MARS2: variants seen among roughly 807,000 people sequenced by gnomAD.
The protein encoded by MARS2 is methionyl-tRNA synthetase 2, mitochondrial, also known as methionine--tRNA ligase, mitochondrial.
MARS2 carries 33 observed loss-of-function variants against 43.8 expected under a neutral mutation model. The ratio of observed to expected loss-of-function variants is 0.75; its 90% CI spans 0.57 to 1.01. MARS2 has a LOEUF of 1.01. Ranked by LOEUF, MARS2 falls within the 50% of genes least tolerant of loss-of-function variation. The probability of loss-of-function intolerance (pLI) is 0.00; values close to 1 mark genes in which losing one functional copy is unlikely to be tolerated. For missense variants in MARS2, 720 were observed against 763.0 expected (o/e 0.94, Z 0.66); for synonymous variants, 351 against 325.5 (o/e 1.08, Z -0.84).
chr2:197,708,165 A>G lies in MARS2; in HGVS notation c.*978A>G, dbSNP rs1456305820. On this transcript the variant is annotated 3_prime_UTR_variant, in exon 1 of 1. Coordinates refer to ENST00000282276, the MANE Select transcript of MARS2 (RefSeq NM_138395.4). ...AGGTATGATTTAAAAATTTGTAAAT[A>G]GTTCAAAAGGGCAATGTTTTCTTTA... is the stretch of plus-strand genomic sequence containing the variant. 1 of 167,200 alleles carries G rather than the reference A, an allele frequency of 6.0e-6. No homozygotes were observed. The highest frequency in any genetic ancestry group is 1.5e-5 in the Non-Finnish European group (1 of 68,120). The allele number at this position is 167,200 out of a possible 1,614,324, so 10.4% of individuals were successfully genotyped here.
At position 197,705,703 on chromosome 2, in the gene MARS2, C is replaced by G; in HGVS notation, c.298C>G (p.Gln100Glu). The G allele has an allele frequency of 6.2e-7, 1 of 1,611,136 alleles. No homozygotes were observed. Among genetic ancestry groups the G allele is most frequent in the Non-Finnish European group, 8.5e-7 (1 of 1,180,026 alleles). The change falls in exon 1 of 1, where the codon CAG becomes GAG. Residue 100 changes from glutamine to glutamate, a missense_variant. Transcript: ENST00000282276. ...TACCGACGAGCACGGGCTGAAGATTCAGCAGGCAGCAGCTACCGCGGGCCT... is the reference window on the plus strand; with the variant it reads ...TACCGACGAGCACGGGCTGAAGATTGAGCAGGCAGCAGCTACCGCGGGCCT... ...TGTDEHGLKI[Q>E]QAAATAGLAP...
chr2:197,707,393 T>C lies in MARS2; in HGVS notation c.*206T>C. 1 of 570,778 alleles carries C rather than the reference T, an allele frequency of 1.8e-6. No homozygotes were observed. The highest frequency in any genetic ancestry group is 3.2e-6 in the Non-Finnish European group (1 of 314,130). The allele number at this position is 570,778 out of a possible 1,614,324, so 35.4% of individuals were successfully genotyped here. A position where few individuals can be genotyped will look rare whatever the true frequency, so the allele number is the denominator to read the frequency against. On this transcript the variant is annotated 3_prime_UTR_variant, in exon 1 of 1. Coordinates refer to ENST00000282276, the MANE Select transcript of MARS2 (RefSeq NM_138395.4). Reference sequence around the variant, plus strand: ...CCATTGATCACTGTCCTTTGTGCATTGTGTGTCTAAGATGTCTTCAGGGGA... The same window carrying C: ...CCATTGATCACTGTCCTTTGTGCATCGTGTGTCTAAGATGTCTTCAGGGGA...
Position 197,705,758 on chromosome 2 carries a change from C to T in MARS2, c.353C>T (p.Ser118Phe), listed in dbSNP as rs1051425785. 6 of 1,613,064 alleles carry T rather than the reference C, an allele frequency of 3.7e-6. No homozygotes were observed. Among genetic ancestry groups the T allele is most frequent in the Non-Finnish European group, 3.4e-6 (4 of 1,180,050 alleles). Residue 118 changes from serine (S) to phenylalanine (F), a missense_variant, in exon 1 of 1, where the codon TCT becomes TTT. Ser to Phe is a radical substitution (Grantham distance 155). Coordinates refer to ENST00000282276, the MANE Select transcript of MARS2 (RefSeq NM_138395.4). ...CCGACCGAGCTGTGCGACCGAGTCT[C>T]TGAGCAGTTCCAGCAGCTTTTCCAG... ...LAPTELCDRV[S>F]EQFQQLFQEA...
At position 197,707,021 on chromosome 2, in the gene MARS2, T is replaced by TG; in HGVS notation, c.1621dup (p.Val541GlyfsTer25). On this transcript the variant is annotated frameshift_variant, in exon 1 of 1. Coordinates refer to ENST00000282276, the MANE Select transcript of MARS2 (RefSeq NM_138395.4). LOFTEE classifies it high-confidence loss of function. ...CTAGCTGACAAGCTGCTGTCTAGGC[T>TG]GGGGGTCTCTGCCTCAGAGAGGAGT... 6.2e-7 allele frequency: 1 copy of TG among 1,614,174 alleles called. No individual in the cohort carries two copies. Among genetic ancestry groups the TG allele is most frequent in the Non-Finnish European group, 8.5e-7 (1 of 1,180,040 alleles).
rs1559379523 is a variant in MARS2 at position 197,706,507 on chromosome 2, G to T, written c.1102G>T (p.Asp368Tyr). ...PRTCLNRYTV[D>Y]GFRYFLLRQG... ...GACTTGCCTTAACCGCTATACCGTG[G>T]ATGGCTTCCGCTACTTTCTCCTTCG... The change falls in exon 1 of 1, where the codon GAT becomes TAT. Residue 368 changes from aspartate to tyrosine, a missense_variant. Coordinates refer to ENST00000282276, the MANE Select transcript of MARS2 (RefSeq NM_138395.4). 1 of 1,614,050 alleles carries T rather than the reference G, an allele frequency of 6.2e-7. No individual in the cohort carries two copies. Among genetic ancestry groups the T allele is most frequent in the South Asian group, 1.1e-5 (1 of 91,088 alleles).
rs369950449 is a variant in MARS2 at position 197,705,512 on chromosome 2, C to G, written c.107C>G (p.Ala36Gly). Reference protein sequence around the residue: ...PRYYSSGSLSAGDDACDVRAY... With the variant: ...PRYYSSGSLSGGDDACDVRAY... ...TACTACAGTTCGGGCTCCCTCAGTG[C>G]CGGCGATGATGCTTGTGATGTGCGC... Residue 36 changes from alanine to glycine, a missense_variant, in exon 1 of 1, where the codon GCC becomes GGC. Ala to Gly is a moderately conservative substitution (Grantham distance 60). Transcript: ENST00000282276. 3.7e-6 allele frequency: 6 copies of G among 1,613,096 alleles called. No individual in the cohort carries two copies. In the Middle Eastern group the frequency reaches 5.0e-4, roughly 133 times the overall value.
chr2:197,705,467 T>G lies in MARS2; in HGVS notation c.62T>G (p.Leu21Arg). ...GRTGASRLSL[L>R]EDFGPRYYSS... ...ACGGGGGCTAGTAGGCTGTCTCTCC[T>G]GGAGGACTTCGGCCCACGCTACTAC... Residue 21 changes from leucine (L) to arginine (R), a missense_variant, in exon 1 of 1, where the codon CTG becomes CGG. Transcript: ENST00000282276. 1 of 1,612,956 alleles carries G rather than the reference T, an allele frequency of 6.2e-7. No individual in the cohort carries two copies. The highest frequency in any genetic ancestry group is 1.3e-5 in the African/African-American group (1 of 75,054).
chr2:197,705,427 C>T lies in MARS2; in HGVS notation c.22C>T (p.Arg8Cys). 1 of 1,611,180 alleles carries T rather than the reference C, an allele frequency of 6.2e-7. No individual in the cohort carries two copies. The highest frequency in any genetic ancestry group is 8.5e-7 in the Non-Finnish European group (1 of 1,179,300). The change falls in exon 1 of 1, where the codon CGC (arginine) becomes TGC (cysteine). Residue 8 changes from arginine to cysteine, a missense_variant. Physicochemically the swap from Arg to Cys is radical, Grantham distance 180. Transcript: ENST00000282276. Reference protein sequence around the residue: MLRTSVLRLLGRTGASRL... With the variant: MLRTSVLCLLGRTGASRL... ...CACCATGCTGCGAACGTCCGTCCTC[C>T]GCCTGCTAGGACGCACGGGGGCTAG...
At position 197,705,963 on chromosome 2, in the gene MARS2, G is replaced by A; in HGVS notation, c.558G>A (p.Pro186=). ...CTGAGGCCAAGGTCACCCAGCAGCC[G>A]GGCCCATCGGGGGATTCGTTTCCTG... The part of the protein sequence containing the change: ...FLPEAKVTQQ[P]GPSGDSFPVS... The change falls in exon 1 of 1, where the codon CCG becomes CCA. Residue 186 remains proline, a synonymous_variant. Transcript: ENST00000282276. The A allele has an allele frequency of 1.2e-6, 2 of 1,614,184 alleles. No homozygotes were observed. The highest frequency in any genetic ancestry group is 1.7e-6 in the Non-Finnish European group (2 of 1,180,034).
Position 197,706,288 on chromosome 2 carries a change from G to T in MARS2, c.883G>T (p.Ala295Ser), listed in dbSNP as rs754976378. Residue 295 changes from alanine (A) to serine (S), a missense_variant, in exon 1 of 1, where the codon GCT becomes TCT. Ala to Ser is a moderately conservative substitution (Grantham distance 99). Transcript: ENST00000282276. The part of the protein sequence containing the change: ...NYLTVIGYPN[A>S]EFKSWWPATS... ...CCTCACTGTAATTGGCTACCCAAAT[G>T]CTGAGTTCAAATCTTGGTGGCCGGC... is the stretch of plus-strand genomic sequence containing the variant. The T allele has an allele frequency of 6.2e-7, 1 of 1,614,232 alleles. No homozygotes were observed. Among genetic ancestry groups the T allele is most frequent in the East Asian group, 2.2e-5 (1 of 44,882 alleles).
rs1178363805 is a variant in MARS2 at position 197,705,822 on chromosome 2, G to C, written c.417G>C (p.Thr139=). The C allele has an allele frequency of 1.9e-6, 3 of 1,613,794 alleles. No homozygotes were observed. The highest frequency in any genetic ancestry group is 2.5e-6 in the Non-Finnish European group (3 of 1,180,046). Residue 139 remains threonine, a synonymous_variant, in exon 1 of 1, where the codon ACG becomes ACC. Transcript: ENST00000282276. ...CCTGCACAGATTTCATCCGCACCACGGAGGCCCGGCACCGGGTGGCTGTGC... is the reference window on the plus strand; with the variant it reads ...CCTGCACAGATTTCATCCGCACCACCGAGGCCCGGCACCGGGTGGCTGTGC... ...GISCTDFIRT[T]EARHRVAVQH...
In MARS2 at chr2:197,707,819, A is replaced by G. The variant is rs1434196293; in HGVS notation, c.*632A>G. The G allele has an allele frequency of 3.0e-5, 5 of 167,188 alleles. No individual in the cohort carries two copies. Among genetic ancestry groups the G allele is most frequent in the African/African-American group, 1.2e-4 (5 of 41,418 alleles). The allele number at this position is 167,188 out of a possible 1,614,324, so 10.4% of individuals were successfully genotyped here. On this transcript the variant is annotated 3_prime_UTR_variant, in exon 1 of 1. Coordinates refer to ENST00000282276, the MANE Select transcript of MARS2 (RefSeq NM_138395.4). ...TAGATGGCTCTAATCTCACACATTT[A>G]CTTACTAAAGATTGAGGATTCGGAA...
In MARS2 at chr2:197,706,128, A is replaced by G. The variant is rs2089473162; in HGVS notation, c.723A>G (p.Val241=). 1 of 1,614,140 alleles carries G rather than the reference A, an allele frequency of 6.2e-7. No homozygotes were observed. Among genetic ancestry groups the G allele is most frequent in the East Asian group, 2.2e-5 (1 of 44,882 alleles). The change falls in exon 1 of 1, where the codon GTA becomes GTG. Residue 241 remains valine (V), a synonymous_variant. Coordinates refer to ENST00000282276, the MANE Select transcript of MARS2 (RefSeq NM_138395.4). ...TCACCCCCGAACCATTTCATCACGT[A>G]GTTCTTCAGTGGCTGGACGAGGAGC... is the stretch of plus-strand genomic sequence containing the variant. ...QAITPEPFHH[V]VLQWLDEELP...
In MARS2 at chr2:197,705,681, C is replaced by T; in HGVS notation, c.276C>T (p.Thr92=). 1 of 1,611,042 alleles carries T rather than the reference C, an allele frequency of 6.2e-7. No individual in the cohort carries two copies. Among genetic ancestry groups the T allele is most frequent in the Non-Finnish European group, 8.5e-7 (1 of 1,180,038 alleles). Residue 92 remains threonine, a synonymous_variant, in exon 1 of 1, where the codon ACC becomes ACT. Transcript: ENST00000282276. ...CCGCCACGCGATTCTCCACTGGTAC[C>T]GACGAGCACGGGCTGAAGATTCAGC... is the stretch of plus-strand genomic sequence containing the variant. ...STAATRFSTG[T]DEHGLKIQQA...
chr2:197,705,939 T>C lies in MARS2; in HGVS notation c.534T>C (p.Pro178=). The C allele has an allele frequency of 6.2e-7, 1 of 1,614,060 alleles. No homozygotes were observed. Among genetic ancestry groups the C allele is most frequent in the Non-Finnish European group, 8.5e-7 (1 of 1,179,958 alleles). ...GCGCTTCCGACGAGTGCTTCCTGCC[T>C]GAGGCCAAGGTCACCCAGCAGCCGG... ...WYCASDECFL[P]EAKVTQQPGP... The change falls in exon 1 of 1, where the codon CCT becomes CCC. Residue 178 remains proline (P), a synonymous_variant. Transcript: ENST00000282276.
At position 197,707,162 on chromosome 2, in the gene MARS2, G is replaced by A. The variant is rs1358199381; in HGVS notation, c.1757G>A (p.Trp586Ter). 16 of 1,613,258 alleles carry A rather than the reference G, an allele frequency of 9.9e-6. No individual in the cohort carries two copies. Among genetic ancestry groups the A allele is most frequent in the Admixed American group, 1.7e-5 (1 of 59,910 alleles). ...CCAAGACTAGACCAGTCCAGGACTT[G>A]GCTGGTGAAAGCCCACCGGACCTAG... Reference protein sequence around the residue: ...LFPRLDQSRTWLVKAHRT With the variant: ...LFPRLDQSRT Residue 586 changes from tryptophan (W) to a stop codon, truncating the protein, a stop_gained, in exon 1 of 1, where the codon TGG becomes TAG. Coordinates refer to ENST00000282276, the MANE Select transcript of MARS2 (RefSeq NM_138395.4). LOFTEE classifies it high-confidence loss of function.
At position 197,705,677 on chromosome 2, in the gene MARS2, G is replaced by T; in HGVS notation, c.272G>T (p.Gly91Val). 1 of 1,611,106 alleles carries T rather than the reference G, an allele frequency of 6.2e-7. No homozygotes were observed. Among genetic ancestry groups the T allele is most frequent in the Non-Finnish European group, 8.5e-7 (1 of 1,180,032 alleles). Reference protein sequence around the residue: ...PSTAATRFSTGTDEHGLKIQQ... With the variant: ...PSTAATRFSTVTDEHGLKIQQ... ...ACGGCCGCCACGCGATTCTCCACTG[G>T]TACCGACGAGCACGGGCTGAAGATT... The change falls in exon 1 of 1, where the codon GGT (glycine) becomes GTT (valine). Residue 91 changes from glycine to valine, a missense_variant. Gly to Val is a moderately radical substitution (Grantham distance 109, BLOSUM62 -3). Transcript: ENST00000282276.
Position 197,706,474 on chromosome 2 carries a change from G to C in MARS2, c.1069G>C (p.Asp357His). Residue 357 changes from aspartate to histidine, a missense_variant, in exon 1 of 1, where the codon GAT (aspartate) becomes CAT (histidine). Transcript: ENST00000282276. ...KMSKSLGNVV[D>H]PRTCLNRYTV... ...GTCCAAGAGCTTGGGCAACGTGGTGGATCCTAGGACTTGCCTTAACCGCTA... is the reference window on the plus strand; with the variant it reads ...GTCCAAGAGCTTGGGCAACGTGGTGCATCCTAGGACTTGCCTTAACCGCTA... 1.2e-6 allele frequency: 2 copies of C among 1,613,750 alleles called. No homozygotes were observed. The highest frequency in any genetic ancestry group is 1.7e-6 in the Non-Finnish European group (2 of 1,180,040).
Position 197,705,386 on chromosome 2 carries a change from G to A in MARS2, c.-20G>A. On this transcript the variant is annotated 5_prime_UTR_variant, in exon 1 of 1. Transcript: ENST00000282276. ...GTGCTGTCAGAACGCCGCCTCCTCC[G>A]CTTGCGGCCGGTCTGCACCATGCTG... The A allele has an allele frequency of 1.3e-6, 2 of 1,561,874 alleles. No individual in the cohort carries two copies. The highest frequency in any genetic ancestry group is 1.7e-6 in the Non-Finnish European group (2 of 1,151,974).
Sources: allele counts gnomAD v4.1 joint callset, GRCh38; gene constraint gnomAD v4.1.1; transcripts MANE v1.5; gene names NCBI Gene and HGNC (gene_info 2026-07-23, HGNC 2026-07-21).